The following GPSM1 variants were observed in gnomAD, a reference collection of about 807,000 sequenced individuals.
GPSM1 encodes G protein signaling modulator 1.
A neutral mutation model predicts 70.5 loss-of-function variants in GPSM1; 48 were observed. The ratio of observed to expected loss-of-function variants is 0.68; its 90% confidence interval spans 0.54 to 0.87. The LOEUF is 0.87. Among genes scored for constraint, GPSM1 ranks in the 40% least tolerant of loss-of-function variants. The pLI, the probability that GPSM1 is intolerant of heterozygous loss-of-function variation, is 0.00. For missense variants in GPSM1, 981 were observed against 972.6 expected, an observed-to-expected ratio of 1.01 and a Z score of -0.11; for synonymous variants, 416 against 430.1, an observed-to-expected ratio of 0.97 and a Z score of 0.41.
intron 3 of GPSM1, among the ~76,000 whole-genome samples, 197 bp from the exon 4 acceptor site, chr9:136,336,724 G>A (rs879990096): frequency 1.1e-4 from 17 of 152,208 alleles, no homozygotes; most frequent in Non-Finnish European, 2.2e-4. Context: ...GGGAGGGATG[G>A]TGAGGGAGGG....
At chr9:136,331,481 G>A (rs1554768476) in intron 1 of GPSM1, among the ~76,000 whole-genome samples, 1 of 152,126 alleles carries the variant, frequency 6.6e-6, no homozygotes, top group Non-Finnish European at 1.5e-5. Flanking sequence ...GAACCGGTAG[G>A]CGGCCAGGGG....
chr9:136,330,041 T>C (rs1832066613), intron 1 of GPSM1, among the ~76,000 whole-genome samples: 1 of 152,002 alleles, frequency 6.6e-6, no homozygotes, highest in South Asian at 2.1e-4. Context: ...ATGCTCAGAA[T>C]TCTGGCCCAC....
At chr9:136,347,291 G>A (rs1460102679) in intron 9 of GPSM1, among the ~76,000 whole-genome samples, 5 of 152,176 alleles carry the variant, frequency 3.3e-5, no homozygotes, top group Non-Finnish European at 7.4e-5. Context: ...GCCCACTGAT[G>A]CCAGGGCTGG....
At chr9:136,354,839 G>C in intron 11 of GPSM1, 2 of 999,488 alleles carry the variant, frequency 2.0e-6, no homozygotes, top group African/African-American at 1.7e-5. Flanking sequence ...GGAGCTCATG[G>C]CAGGGCTGAC....
chr9:136,331,372 C>G (rs1038215741), intron 1 of GPSM1, among the ~76,000 whole-genome samples: 2 of 151,076 alleles, frequency 1.3e-5, no homozygotes, highest in African/African-American at 2.4e-5. Flanking sequence ...GAGCCCCCCC[C>G]CCCCGCTGCC....
At chr9:136,336,350 G>A (rs1832235449) in intron 3 of GPSM1, among the ~76,000 whole-genome samples, 1 of 152,040 alleles carries the variant, frequency 6.6e-6, no homozygotes, top group Non-Finnish European at 1.5e-5. Flanking sequence ...CCCTCTCGGT[G>A]ACCTCCCCCC....
At chr9:136,330,539 C>T (rs908866694) in intron 1 of GPSM1, among the ~76,000 whole-genome samples, 2 of 152,168 alleles carry the variant, frequency 1.3e-5, no homozygotes, top group Admixed American at 6.5e-5. Context: ...GCTCCCAGCC[C>T]GGTCCTGCGC....
Position 136,356,363 on chromosome 9 carries a change from C to T in GPSM1, c.1634C>T (p.Ser545Leu), listed in dbSNP as rs782626806. The T allele has an allele frequency of 1.5e-5, 24 of 1,596,906 alleles. No individual in the cohort carries two copies. The highest frequency in any genetic ancestry group is 5.4e-5 in the African/African-American group (4 of 74,436). The change falls in exon 13 of 14, where the codon TCG (serine) becomes TTG (leucine). Residue 545 changes from serine (S) to leucine (L), a missense_variant. Coordinates refer to ENST00000440944, the MANE Select transcript of GPSM1 (RefSeq NM_001145638.3). ...GCAGCCCAGCCCTCGATGACGGCCT[C>T]GCCCCAGACCGAGGAATTCTTCGAC... ...DRIAQPSMTA[S>L]PQTEEFFDLI...
At position 136,343,026 on chromosome 9, in the gene GPSM1, AAG is replaced by A. The variant is rs1263112130; in HGVS notation, c.1207+2036_1207+2037del. Among the ~76,000 whole-genome samples the A allele has an allele frequency of 1.3e-5, 2 of 152,082 alleles. No individual in the cohort carries two copies. The highest frequency in any genetic ancestry group is 4.8e-5 in the African/African-American group (2 of 41,382). ...GAGACTTACGTGCGGCTGGAGGACA[AAG>A]AGCCTTGGCGCGGCTCAGTCAGCGT... On this transcript the variant is annotated intron_variant, in intron 9 of 13. Coordinates refer to ENST00000440944, the MANE Select transcript of GPSM1 (RefSeq NM_001145638.3). The surrounding 1 kb of genome is among the most constrained non-coding windows in gnomAD (Gnocchi z 6.0).
chr9:136,352,173 TGCGCCGTTGCTGTTGGTG>T lies in GPSM1; in HGVS notation c.1455+2411_1455+2428del, dbSNP rs1832685790. Among the ~76,000 whole-genome samples, 4 of 125,258 alleles carry T rather than the reference TGCGCCGTTGCTGTTGGTG, an allele frequency of 3.2e-5. 1 individual carries two copies. The highest frequency in any genetic ancestry group is 1.2e-4 in the African/African-American group (4 of 32,536). The allele number at this position is 125,258 out of a possible 152,430, so 82.2% of individuals were successfully genotyped here. ...CCGTTGCTGTTGGTGACACCAATGC[TGCGCCGTTGCTGTTGGTG>T]ACACCGATGCTGCGCCGTTGCTGTT... On this transcript the variant is annotated intron_variant, in intron 11 of 13. Coordinates refer to ENST00000440944, the MANE Select transcript of GPSM1 (RefSeq NM_001145638.3).
rs782772079 is a variant in GPSM1, at chr9:136,349,762, C to T, written c.1454C>T (p.Thr485Met). 2.6e-5 allele frequency: 41 copies of T among 1,570,972 alleles called. No homozygotes were observed. The highest frequency in any genetic ancestry group is 3.4e-5 in the Non-Finnish European group (39 of 1,159,234). Reference sequence around the variant, plus strand: ...GACGTCCGGGTGCACGTGCCACGCACGGTAGGCGTCTTTGACGGCAGATCC... The same window carrying T: ...GACGTCCGGGTGCACGTGCCACGCATGGTAGGCGTCTTTGACGGCAGATCC... ...SADVRVHVPR[T>M]SIPRAPSSDE... Residue 485 changes from threonine to methionine, a missense_variant and splice_region_variant, in exon 11 of 14, where the codon ACG becomes ATG. By Grantham distance (81) the Thr-to-Met change is moderately conservative (BLOSUM62 -1). Coordinates refer to ENST00000440944, the MANE Select transcript of GPSM1 (RefSeq NM_001145638.3).
intron 11 of GPSM1, 152 bp downstream of exon 11, chr9:136,349,915 T>A: frequency 1.4e-6 from 1 of 720,956 alleles, no homozygotes; most frequent in Non-Finnish European, 2.2e-6. Flanking sequence ...AGTGCTGTCC[T>A]GGGACCCCGG....
At chr9:136,350,225 C>T (rs191431686) in intron 11 of GPSM1, among the ~76,000 whole-genome samples, 67 of 152,354 alleles carry the variant, frequency 4.4e-4, no homozygotes, top group Non-Finnish European at 8.5e-4. Flanking sequence ...CTGTGAGAGC[C>T]GGGCTGCACA....
At chr9:136,344,222 C>T (rs1397449453) in intron 9 of GPSM1, among the ~76,000 whole-genome samples, 4 of 110,918 alleles carry the variant, frequency 3.6e-5, no homozygotes, top group South Asian at 3.1e-4. Flanking sequence ...GGTGGGGGCG[C>T]GGACAGAAGC....
chr9:136,336,193 A>C, intron 3 of GPSM1, 92 bp downstream of exon 3: 1 of 1,402,362 alleles, frequency 7.1e-7, no homozygotes, highest in Middle Eastern at 2.2e-4. Flanking sequence ...CTCACCACTC[A>C]TCCAGCTCCT....
rs377584465 is a variant in GPSM1, at chr9:136,358,131, G to C, written c.1939G>C (p.Glu647Gln). The change falls in exon 14 of 14, where the codon GAG becomes CAG. Residue 647 changes from glutamate (E) to glutamine (Q), a missense_variant. Physicochemically the swap from Glu to Gln is conservative, Grantham distance 29 (BLOSUM62 2). Coordinates refer to ENST00000440944, the MANE Select transcript of GPSM1 (RefSeq NM_001145638.3). ...GAGGGTGCAGGCTAAGCGCATGGAC[G>C]AGCAGCGGGTGGACCTCGCCGGGGG... ...IQRVQAKRMD[E>Q]QRVDLAGGPE... 1 of 1,610,584 alleles carries C rather than the reference G, an allele frequency of 6.2e-7. No homozygotes were observed. Among genetic ancestry groups the C allele is most frequent in the South Asian group, 1.1e-5 (1 of 90,948 alleles).
At chr9:136,328,324 G>A (rs1378286907) in intron 1 of GPSM1, among the ~76,000 whole-genome samples, 10 of 152,200 alleles carry the variant, frequency 6.6e-5, no homozygotes, top group African/African-American at 9.6e-5. Context: ...CCTGCCCCAG[G>A]TGGCATGCCT....
rs372951763 is a variant in GPSM1, at chr9:136,334,668, G to A, written c.290G>A (p.Arg97Gln). The A allele has an allele frequency of 4.7e-5, 76 of 1,606,918 alleles. No homozygotes were observed. The highest frequency in any genetic ancestry group is 3.8e-4 in the East Asian group (17 of 44,700). ...CACAAGCATGACCTCCTGCTGGCGC[G>A]GTGAGTGGGGACGGTCCTGCTGGCG... ...EYHKHDLLLA[R>Q]TIGDRMGEAK... Residue 97 changes from arginine (R) to glutamine (Q), a missense_variant and splice_region_variant, in exon 2 of 14, where the codon CGG becomes CAG. Transcript: ENST00000440944.
chr9:136,355,917 G>A (rs376903018), intron 12 of GPSM1, 71 bp downstream of exon 12: 1 of 1,334,386 alleles, frequency 7.5e-7, no homozygotes, highest in Admixed American at 2.2e-5. Flanking sequence ...CTCCCGTCCT[G>A]CTTCCAGTGA....
Sources: gnomAD v4.1 joint callset for allele counts (sites outside exome capture counted in the v4.1 genomes callset) on GRCh38, gnomAD v4.1.1 for gene constraint, Gnocchi (gnomAD v3.1) non-coding constraint, MANE v1.5 for transcripts, NCBI Gene and HGNC (gene_info 2026-07-23, HGNC 2026-07-21) for gene names.